The following TIMP3 variants were observed in gnomAD, a reference collection of about 807,000 sequenced individuals.
The protein encoded by TIMP3 is TIMP metallopeptidase inhibitor 3.
TIMP3 carries 11 observed loss-of-function variants against 30.0 expected under a neutral mutation model. That is an observed-to-expected ratio of 0.37 (90% confidence interval 0.23 to 0.61). TIMP3 has a LOEUF of 0.61. Among genes scored for constraint, TIMP3 ranks in the 20% least tolerant of loss-of-function variants. The pLI, the probability that TIMP3 is intolerant of heterozygous loss-of-function variation, is 0.70. For missense variants in TIMP3, 181 were observed against 276.8 expected (o/e 0.65, Z 2.45); for synonymous variants, 112 against 111.3 (o/e 1.01, Z -0.04).
chr22:32,852,547 T>A (rs2146261384), intron 2 of TIMP3, among the ~76,000 whole-genome samples: 1 of 151,856 alleles, frequency 6.6e-6, no homozygotes, highest in South Asian at 2.1e-4. Flanking sequence ...CCCTAGAGAG[T>A]CAGAAGGGGT....
chr22:32,845,619 T>G (rs1378676832), intron 1 of TIMP3, among the ~76,000 whole-genome samples: 1 of 152,176 alleles, frequency 6.6e-6, no homozygotes, highest in Non-Finnish European at 1.5e-5. Context: ...ACCTAGTTCA[T>G]GCCTATGTTG....
rs2048573554 is a variant in TIMP3 at position 32,862,470 on chromosome 22, C to T, written c.*3093C>T. 6.6e-6 allele frequency: 1 copy of T among 152,182 alleles called. No homozygotes were observed. The highest frequency in any genetic ancestry group is 1.5e-5 in the Non-Finnish European group (1 of 68,052). The allele number at this position is 152,182 out of a possible 1,614,324, so 9.4% of individuals were successfully genotyped here. A position where few individuals can be genotyped will look rare whatever the true frequency, so the allele number is the denominator to read the frequency against. On this transcript the variant is annotated 3_prime_UTR_variant, in exon 5 of 5. Coordinates refer to ENST00000266085, the MANE Select transcript of TIMP3 (RefSeq NM_000362.5). ...CTTTTTGGAATAGCCCTGTCTAGGGCAAACTGTGGCCCCCAGGAGACACTA... is the reference window on the plus strand; with the variant it reads ...CTTTTTGGAATAGCCCTGTCTAGGGTAAACTGTGGCCCCCAGGAGACACTA...
At chr22:32,817,354 C>G (rs543808512) in intron 1 of TIMP3, among the ~76,000 whole-genome samples, 275 of 152,272 alleles carry the variant, frequency 1.8e-3, no homozygotes, top group Non-Finnish European at 3.0e-3. Context: ...ATCCAGTGTT[C>G]TCTGAACATA....
chr22:32,858,776 C>G (rs1035600131), intron 4 of TIMP3, among the ~76,000 whole-genome samples: 1 of 152,188 alleles, frequency 6.6e-6, no homozygotes, highest in African/African-American at 2.4e-5. Context: ...TTCACTGAAT[C>G]TGGTTTCCAA....
chr22:32,807,385 A>G (rs7291223), intron 1 of TIMP3, among the ~76,000 whole-genome samples: 3,062 of 104,938 alleles, frequency 0.029, 71 homozygotes, highest in South Asian at 0.043. Flanking sequence ...TATAATATAT[A>G]TTATATATAA....
intron 1 of TIMP3, among the ~76,000 whole-genome samples, chr22:32,828,451 A>G (rs1671106587): frequency 1.3e-5 from 2 of 152,232 alleles, no homozygotes; most frequent in South Asian, 4.1e-4. Context: ...CAGAGATCCA[A>G]TCCCTGGCTG....
intron 1 of TIMP3, among the ~76,000 whole-genome samples, chr22:32,815,095 G>A (rs1425062301): frequency 1.3e-5 from 2 of 152,168 alleles, no homozygotes; most frequent in South Asian, 2.1e-4. Context: ...GTTAGTGGCC[G>A]CCATGTTAAT....
intron 1 of TIMP3, among the ~76,000 whole-genome samples, chr22:32,819,905 C>T (rs1179602181): frequency 1.3e-5 from 2 of 152,284 alleles, no homozygotes; most frequent in African/African-American, 4.8e-5. Flanking sequence ...CGCATGGGCC[C>T]AAGGGAAGTT....
rs1003779783 is a variant in TIMP3 at position 32,807,682 on chromosome 22, G to A, written c.121+5560G>A. 6.0e-5 allele frequency among the ~76,000 whole-genome samples: 9 copies of A among 150,762 alleles called. No individual in the cohort carries two copies. The East Asian group carries it at 1.7e-3, about 29-fold the overall frequency. ...AGCAAGGAATACAGCCTGTATTTAA[G>A]CCCCTTCACCCTGGCTCTAAAATAT... On this transcript the variant is annotated intron_variant, in intron 1 of 4. Coordinates refer to ENST00000266085, the MANE Select transcript of TIMP3 (RefSeq NM_000362.5).
chr22:32,834,394 C>T (rs2047670533), intron 1 of TIMP3, among the ~76,000 whole-genome samples: 1 of 152,136 alleles, frequency 6.6e-6, no homozygotes, highest in African/African-American at 2.4e-5. Flanking sequence ...AACTCCTGAC[C>T]TCAGGTGATC....
At chr22:32,838,384 G>A (rs1316279890) in intron 1 of TIMP3, among the ~76,000 whole-genome samples, 9 of 152,188 alleles carry the variant, frequency 5.9e-5, no homozygotes. Context: ...ACAAGGAAGA[G>A]GGGCAGCTGG....
intron 1 of TIMP3, among the ~76,000 whole-genome samples, chr22:32,846,458 G>T (rs2048064527): frequency 6.6e-6 from 1 of 152,234 alleles, no homozygotes; most frequent in African/African-American, 2.4e-5. Context: ...CACCATAGTG[G>T]TGATAATGCT....
chr22:32,851,397 C>T (rs1386275151), intron 2 of TIMP3, among the ~76,000 whole-genome samples: 1 of 152,076 alleles, frequency 6.6e-6, no homozygotes, highest in Non-Finnish European at 1.5e-5. Context: ...ACATAATGTC[C>T]CATTCCCCCT....
chr22:32,807,386 T>TAA (rs1555968148), intron 1 of TIMP3, among the ~76,000 whole-genome samples: 3 of 104,300 alleles, frequency 2.9e-5, no homozygotes, highest in Non-Finnish European at 5.6e-5. Flanking sequence ...ATAATATATA[T>TAA]TATATATAAT....
chr22:32,830,962 T>C (rs1008606542), intron 1 of TIMP3, among the ~76,000 whole-genome samples: 5 of 152,176 alleles, frequency 3.3e-5, no homozygotes, highest in Admixed American at 1.3e-4. Context: ...TGTTTTTTTT[T>C]CCCCAACCAG....
intron 1 of TIMP3, among the ~76,000 whole-genome samples, chr22:32,810,388 A>G (rs1458356606): frequency 6.6e-6 from 1 of 152,152 alleles, no homozygotes; most frequent in Non-Finnish European, 1.5e-5. Context: ...GAGACAAGAA[A>G]CTATAAGTGT....
At chr22:32,857,940 C>G (rs1336471565) in intron 3 of TIMP3, 77 bp from the exon 4 acceptor site, 1 of 1,609,274 alleles carries the variant, frequency 6.2e-7, no homozygotes, top group African/African-American at 1.3e-5. Flanking sequence ...TAAGTGGGAA[C>G]ATAGTAGGTG....
chr22:32,825,838 T>C (rs1265060355), intron 1 of TIMP3, among the ~76,000 whole-genome samples: 3 of 152,126 alleles, frequency 2.0e-5, no homozygotes, highest in South Asian at 2.1e-4. Flanking sequence ...ATCTATGCAA[T>C]TGAAAACAAC....
At chr22:32,823,249 G>A (rs530003690) in intron 1 of TIMP3, among the ~76,000 whole-genome samples, 14 of 152,274 alleles carry the variant, frequency 9.2e-5, no homozygotes, top group East Asian at 5.8e-4. Flanking sequence ...TGTAAGTCCC[G>A]TGGTCAGTTA....
Sources: allele counts gnomAD v4.1 joint callset (sites outside exome capture counted in the v4.1 genomes callset), GRCh38; gene constraint gnomAD v4.1.1; transcripts MANE v1.5; gene names NCBI Gene and HGNC (gene_info 2026-07-23, HGNC 2026-07-21).